The following SATB2 variants were observed in gnomAD, a reference collection of about 807,000 sequenced individuals.
SATB2 encodes DNA-binding protein SATB2.
Under a neutral mutation model 73.4 loss-of-function variants are expected in SATB2, and 1 was observed. The observed-to-expected ratio is 0.01, with a 90% CI of 0.00 to 0.06. The LOEUF (loss-of-function observed/expected upper bound fraction) is 0.06. Ranked by LOEUF, SATB2 falls within the 10% of genes least tolerant of loss-of-function variation. The probability of loss-of-function intolerance (pLI) is 1.00; values close to 1 mark genes in which losing one functional copy is unlikely to be tolerated. For missense variants in SATB2, 459 were observed against 945.8 expected (o/e 0.49, Z 6.75); for synonymous variants, 397 against 367.0 (o/e 1.08, Z -0.93).
intron 6 of SATB2, among the ~76,000 whole-genome samples, chr2:199,365,769 T>G (rs117434305): frequency 6.6e-6 from 1 of 152,264 alleles, no homozygotes; most frequent in East Asian, 1.9e-4. Context: ...GCATTGACTA[T>G]AGAATTTGCA....
chr2:199,469,214 G>A (rs1692654974), upstream of SATB2, among the ~76,000 whole-genome samples: 1 of 152,204 alleles, frequency 6.6e-6, no homozygotes, highest in Non-Finnish European at 1.5e-5. Flanking sequence ...TTGTTAACCG[G>A]AAAGGGTGCT....
chr2:199,330,642 C>A (rs1688162900), intron 7 of SATB2, among the ~76,000 whole-genome samples: 1 of 152,164 alleles, frequency 6.6e-6, no homozygotes, highest in African/African-American at 2.4e-5. Context: ...TAAGTATCGA[C>A]TCTCTGAAAT....
intron 6 of SATB2, among the ~76,000 whole-genome samples, chr2:199,353,638 TTC>T (rs2105829944): frequency 6.6e-6 from 1 of 152,184 alleles, no homozygotes; most frequent in East Asian, 1.9e-4. Context: ...TTCTTTCTTT[TTC>T]TCTTTCTTTC....
At chr2:199,438,781 A>G (rs1378589037) in intron 2 of SATB2, among the ~76,000 whole-genome samples, 3 of 152,270 alleles carry the variant, frequency 2.0e-5, no homozygotes, top group Admixed American at 6.5e-5. Context: ...GTAGTCTAAC[A>G]TACACACCTT....
At chr2:199,382,170 CA>C (rs200923531) in intron 3 of SATB2, among the ~76,000 whole-genome samples, 13 of 146,974 alleles carry the variant, frequency 8.8e-5, no homozygotes, top group South Asian at 4.3e-4. Flanking sequence ...ATTTCATAGA[CA>C]AAAAAAAAAG....
chr2:199,352,775 T>C (rs1010977029), intron 6 of SATB2, among the ~76,000 whole-genome samples: 2 of 152,188 alleles, frequency 1.3e-5, no homozygotes, highest in South Asian at 2.1e-4. Context: ...CTTTCTTATA[T>C]TGTCATTTCT....
chr2:199,284,901 T>C (rs1048214065), intron 10 of SATB2, among the ~76,000 whole-genome samples: 5 of 152,086 alleles, frequency 3.3e-5, no homozygotes, highest in Non-Finnish European at 5.9e-5. Context: ...GTATGAGGTA[T>C]CATAAGTAAA....
At chr2:199,442,864 C>T (rs1210902525) in intron 2 of SATB2, among the ~76,000 whole-genome samples, 1 of 151,974 alleles carries the variant, frequency 6.6e-6, no homozygotes, top group Non-Finnish European at 1.5e-5. Flanking sequence ...TTAGTTCAAG[C>T]CTAAATTCTT....
intron 9 of SATB2, among the ~76,000 whole-genome samples, chr2:199,309,378 TG>T (rs2105769941): frequency 6.6e-6 from 1 of 152,334 alleles, no homozygotes; most frequent in Admixed American, 6.5e-5. Context: ...AAAGAAAAAT[TG>T]TCTAGGTGTA....
rs1157259191 is a variant in SATB2, at chr2:199,299,154, T to C, written c.1740+9606A>G. On this transcript the variant is annotated intron_variant, in intron 10 of 10. Transcript: ENST00000417098. The stretch of plus-strand genomic sequence containing the variant: ...GGAGAGAATAAATATGAGCAGGACA[T>C]AAAAAGAGAAGTGTTTATCTGTGTG... 3.3e-5 allele frequency among the ~76,000 whole-genome samples: 5 copies of C among 152,172 alleles called. No homozygotes were observed. In the South Asian group the frequency reaches 6.2e-4, roughly 19 times the overall value.
At chr2:199,290,338 C>G (rs1692819948) in intron 10 of SATB2, among the ~76,000 whole-genome samples, 1 of 152,094 alleles carries the variant, frequency 6.6e-6, no homozygotes, top group African/African-American at 2.4e-5. Context: ...TCTCTGGGCT[C>G]CTTAAGGGTA....
chr2:199,342,736 GCTGT>G (rs375013369), intron 7 of SATB2, among the ~76,000 whole-genome samples: 198 of 152,248 alleles, frequency 1.3e-3, no homozygotes, highest in Admixed American at 3.6e-3. Context: ...TTGGCAAAAG[GCTGT>G]CTATCTCTGA....
chr2:199,351,164 T>TC (rs1688807729), intron 6 of SATB2, among the ~76,000 whole-genome samples: 1 of 150,072 alleles, frequency 6.7e-6, no homozygotes, highest in Non-Finnish European at 1.5e-5. Flanking sequence ...TTGCTTGCTT[T>TC]TTTTTTTTTT....
upstream of SATB2, chr2:199,468,947 G>C (rs1374531341): frequency 6.6e-6 from 1 of 152,406 alleles, no homozygotes; most frequent in Non-Finnish European, 1.5e-5. Flanking sequence ...GGTTGCAGGG[G>C]GAGATGACCC....
intron 3 of SATB2, among the ~76,000 whole-genome samples, chr2:199,399,168 A>G (rs1156756544): frequency 6.6e-6 from 1 of 152,306 alleles, no homozygotes; most frequent in East Asian, 1.9e-4. Context: ...TCTACTCGGG[A>G]GGCTGAGGTG....
intron 9 of SATB2, among the ~76,000 whole-genome samples, chr2:199,315,282 A>C (rs746566718): frequency 2.0e-5 from 3 of 152,094 alleles, no homozygotes; most frequent in Non-Finnish European, 2.9e-5. Context: ...TTTCACTTAT[A>C]AAATATTTTA....
chr2:199,315,681 GAACA>G (rs1687713547), intron 9 of SATB2, among the ~76,000 whole-genome samples: 1 of 151,946 alleles, frequency 6.6e-6, no homozygotes, highest in Admixed American at 6.6e-5. Flanking sequence ...CAATATTTCA[GAACA>G]AATACAAACT....
At chr2:199,374,059 T>C (rs754317584) in intron 5 of SATB2, among the ~76,000 whole-genome samples, 1 of 152,220 alleles carries the variant, frequency 6.6e-6, no homozygotes, top group Non-Finnish European at 1.5e-5. Context: ...GTTGTACATA[T>C]GAGTTAAGTC....
At chr2:199,363,221 T>C (rs1689189475) in intron 6 of SATB2, among the ~76,000 whole-genome samples, 1 of 152,174 alleles carries the variant, frequency 6.6e-6, no homozygotes, top group South Asian at 2.1e-4. Flanking sequence ...GATCTATGCA[T>C]ACTATCAGTG....
Sources: gnomAD v4.1 joint callset for allele counts (sites outside exome capture counted in the v4.1 genomes callset) on GRCh38, gnomAD v4.1.1 for gene constraint, MANE v1.5 for transcripts, NCBI Gene and HGNC (gene_info 2026-07-23, HGNC 2026-07-21) for gene names.